Variants in CACUL1 observed in about 807,000 individuals in gnomAD.
CACUL1 encodes CDK2 associated cullin domain 1.
CACUL1 carries 13 observed loss-of-function variants against 45.2 expected under a neutral mutation model. That is an observed-to-expected ratio of 0.29 (90% CI 0.19 to 0.46). CACUL1 has a LOEUF of 0.46. Ranked by LOEUF, CACUL1 falls within the 20% of genes least tolerant of loss-of-function variation. CACUL1 has a pLI of 1.00. For synonymous variants in CACUL1, 197 were observed against 174.2 expected, an observed-to-expected ratio of 1.13 and a Z score of -1.03; for missense variants, 421 against 471.4, an observed-to-expected ratio of 0.89 and a Z score of 0.99.
chr10:118,754,367 C>T (rs1845931874), intron 1 of CACUL1, 29 bp downstream of exon 1: 1 of 1,487,298 alleles, frequency 6.7e-7, no homozygotes. Context: ...TGGAGAAAAG[C>T]CAAGGCTGCA....
chr10:118,734,972 C>CT (rs1446146640), intron 1 of CACUL1, among the ~76,000 whole-genome samples: 1 of 152,188 alleles, frequency 6.6e-6, no homozygotes, highest in Non-Finnish European at 1.5e-5. Context: ...AACTCTCACA[C>CT]TTTTTTAATC....
intron 3 of CACUL1, among the ~76,000 whole-genome samples, chr10:118,716,388 T>C (rs1035162823): frequency 6.6e-6 from 1 of 151,826 alleles, no homozygotes; most frequent in African/African-American, 2.4e-5. Flanking sequence ...CGCCCAACTA[T>C]AGATCGTCAC....
At chr10:118,694,008 G>A (rs1443422601) in intron 6 of CACUL1, among the ~76,000 whole-genome samples, 1 of 152,098 alleles carries the variant, frequency 6.6e-6, no homozygotes, top group Non-Finnish European at 1.5e-5. Context: ...GGGACTACAG[G>A]CGCCCGCCAC....
intron 3 of CACUL1, among the ~76,000 whole-genome samples, chr10:118,714,435 T>C (rs1845522194): frequency 6.6e-6 from 1 of 152,228 alleles, no homozygotes; most frequent in African/African-American, 2.4e-5. Context: ...TGGGAAGCTA[T>C]CAAGGTCACA....
At chr10:118,690,968 T>G (rs1171107819) in intron 7 of CACUL1, among the ~76,000 whole-genome samples, 1 of 152,190 alleles carries the variant, frequency 6.6e-6, no homozygotes, top group Non-Finnish European at 1.5e-5. Context: ...GGAGAACTGC[T>G]TGAACCCAGG....
At chr10:118,734,415 G>C (rs1179203207) in intron 1 of CACUL1, among the ~76,000 whole-genome samples, 1 of 152,132 alleles carries the variant, frequency 6.6e-6, no homozygotes, top group African/African-American at 2.4e-5. Context: ...TGTATGTAAT[G>C]AGCAATATCA....
chr10:118,700,716 C>CAAAAA (rs59032746), intron 5 of CACUL1, among the ~76,000 whole-genome samples: 4,758 of 132,094 alleles, frequency 0.036, 194 homozygotes, highest in African/African-American at 0.066. Flanking sequence ...GACTCCGTCT[C>CAAAAA]AAAAAAAAAA....
chr10:118,710,679 C>T (rs1471998412), intron 3 of CACUL1, among the ~76,000 whole-genome samples: 3 of 152,176 alleles, frequency 2.0e-5, no homozygotes, highest in Non-Finnish European at 4.4e-5. Flanking sequence ...TCTGCCACTA[C>T]CTTCAAACCC....
intron 6 of CACUL1, chr10:118,692,641 C>A (rs1349888822): frequency 6.6e-6 from 1 of 152,130 alleles, no homozygotes; most frequent in African/African-American, 2.4e-5. Context: ...TTTAATCTAG[C>A]CCTTTTACAT....
At chr10:118,753,765 T>G (rs1420973537) in intron 1 of CACUL1, among the ~76,000 whole-genome samples, 4 of 152,244 alleles carry the variant, frequency 2.6e-5, no homozygotes, top group Non-Finnish European at 5.9e-5. Context: ...GTGTAAGCTC[T>G]GAAAAGTGAT....
At chr10:118,714,408 G>A (rs1042317368) in intron 3 of CACUL1, among the ~76,000 whole-genome samples, 3 of 152,188 alleles carry the variant, frequency 2.0e-5, no homozygotes, top group African/African-American at 4.8e-5. Flanking sequence ...TATCTCATCA[G>A]AAATCTTTTT....
intron 5 of CACUL1, among the ~76,000 whole-genome samples, chr10:118,696,632 G>C (rs1845326159): frequency 6.6e-6 from 1 of 152,174 alleles, no homozygotes; most frequent in Admixed American, 6.5e-5. Flanking sequence ...AACACAGCGA[G>C]ACACTATCTA....
rs904220822 is a variant in CACUL1 at position 118,682,578 on chromosome 10, T to C, written c.*3550A>G. 1 of 152,680 alleles carries C rather than the reference T, an allele frequency of 6.5e-6. No homozygotes were observed. The highest frequency in any genetic ancestry group is 1.5e-5 in the Non-Finnish European group (1 of 68,058). 9.5% of individuals were successfully genotyped at this position (152,680 alleles called of 1,614,324 possible). On this transcript the variant is annotated 3_prime_UTR_variant, in exon 9 of 9. Transcript: ENST00000369151. ...TAGATCACCATTACCTTTGCTAGTA[T>C]GCGTACAGACCACCACTCGGAAGTT...
Position 118,680,498 on chromosome 10 carries a change from T to C in CACUL1, c.*5630A>G, listed in dbSNP as rs554560008. 6.6e-6 allele frequency: 1 copy of C among 152,214 alleles called. No individual in the cohort carries two copies. Among genetic ancestry groups the C allele is most frequent in the African/African-American group, 2.4e-5 (1 of 41,564 alleles). 9.4% of individuals were successfully genotyped at this position (152,214 alleles called of 1,614,324 possible). A position where few individuals can be genotyped will look rare whatever the true frequency, so the allele number is the denominator to read the frequency against. ...GTAGGAAAGGACACCTCTACAGAGA[T>C]AGCAAGAGAAACTAAAACCTTAAAG... On this transcript the variant is annotated 3_prime_UTR_variant, in exon 9 of 9. Transcript: ENST00000369151.
chr10:118,733,456 C>T (rs1237620153), intron 1 of CACUL1, among the ~76,000 whole-genome samples: 2 of 152,024 alleles, frequency 1.3e-5, no homozygotes, highest in Non-Finnish European at 2.9e-5. Context: ...TAACTTTCTT[C>T]CCAGGAAGGT....
Position 118,684,555 on chromosome 10 carries a change from G to T in CACUL1, c.*1573C>A, listed in dbSNP as rs192718243. 1 of 152,330 alleles carries T rather than the reference G, an allele frequency of 6.6e-6. No individual in the cohort carries two copies. The highest frequency in any genetic ancestry group is 6.5e-5 in the Admixed American group (1 of 15,310). 9.4% of individuals were successfully genotyped at this position (152,330 alleles called of 1,614,324 possible). Reference sequence around the variant, plus strand: ...CACAAAATCCACGAACTCTGGTTAAGTACTTTAAAAAATAAATCTGACAAC... The same window carrying T: ...CACAAAATCCACGAACTCTGGTTAATTACTTTAAAAAATAAATCTGACAAC... On this transcript the variant is annotated 3_prime_UTR_variant, in exon 9 of 9. Transcript: ENST00000369151.
At chr10:118,697,739 T>C (rs1845336547) in intron 5 of CACUL1, among the ~76,000 whole-genome samples, 1 of 152,266 alleles carries the variant, frequency 6.6e-6, no homozygotes, top group Non-Finnish European at 1.5e-5. Flanking sequence ...TAGAACACTG[T>C]GCAAACTGAA....
At chr10:118,730,176 G>C in intron 2 of CACUL1, 108 bp downstream of exon 2, 1 of 1,169,502 alleles carries the variant, frequency 8.6e-7, no homozygotes, top group Non-Finnish European at 1.2e-6. Flanking sequence ...AACACTTACA[G>C]AGCCTCATCT....
rs537737385 is a variant in CACUL1 at position 118,727,074 on chromosome 10, C to G, written c.597+2221G>C. ...CAAACTAAATTCCCTGGTTTTATAT[C>G]ATATATCACCCTTTTAAAAAATACT... is the stretch of plus-strand genomic sequence containing the variant. On this transcript the variant is annotated intron_variant, in intron 3 of 8. Transcript: ENST00000369151. Among the ~76,000 whole-genome samples the G allele has an allele frequency of 2.0e-5, 3 of 152,182 alleles. No individual in the cohort carries two copies. The East Asian group carries it at 5.8e-4, about 29-fold the overall frequency.
Sources: gnomAD v4.1 joint callset for allele counts (sites outside exome capture counted in the v4.1 genomes callset) on GRCh38, gnomAD v4.1.1 for gene constraint, MANE v1.5 for transcripts, NCBI Gene and HGNC (gene_info 2026-07-23, HGNC 2026-07-21) for gene names.